The following MGAT4C variants were observed in gnomAD, a reference collection of about 807,000 sequenced individuals.
MGAT4C encodes the protein MGAT4 family member C.
In MGAT4C, 19 loss-of-function variants were observed where a neutral mutation model predicts 40.1. That is an observed-to-expected ratio of 0.47 (90% CI 0.33 to 0.70). MGAT4C has a LOEUF of 0.70. Among genes scored for constraint, MGAT4C ranks in the 30% least tolerant of loss-of-function variants. The pLI, the probability that MGAT4C is intolerant of heterozygous loss-of-function variation, is 0.02. For missense variants in MGAT4C, 491 were observed against 563.2 expected (o/e 0.87, Z 1.30); for synonymous variants, 181 against 187.1 (o/e 0.97, Z 0.27).
At chr12:86,389,011 C>T (rs1015343523) in intron 3 of MGAT4C, among the ~76,000 whole-genome samples, 8 of 151,938 alleles carry the variant, frequency 5.3e-5, no homozygotes, top group African/African-American at 1.7e-4. Context: ...TAGTTTTTTT[C>T]TTCTAGTATA....
At chr12:86,637,741 C>T (rs1281411635) in intron 2 of MGAT4C, among the ~76,000 whole-genome samples, 2 of 151,774 alleles carry the variant, frequency 1.3e-5, no homozygotes, top group Non-Finnish European at 2.9e-5. Context: ...ATCATATTAA[C>T]TCAGAACCTC....
At chr12:86,627,513 G>A (rs2136498640) in intron 2 of MGAT4C, among the ~76,000 whole-genome samples, 1 of 152,170 alleles carries the variant, frequency 6.6e-6, no homozygotes, top group African/African-American at 2.4e-5. Context: ...CTGAGATGAA[G>A]CATCCAGAGG....
At chr12:86,228,335 T>G (rs1375490263) in intron 1 of MGAT4C, among the ~76,000 whole-genome samples, 2 of 151,952 alleles carry the variant, frequency 1.3e-5, no homozygotes, top group African/African-American at 2.4e-5. Context: ...TGAGTGCACC[T>G]CTATTTTATC....
At position 86,099,385 on chromosome 12, in the gene MGAT4C, T is replaced by TG. The variant is rs11295639; in HGVS notation, c.-56-49663dup. 6.8e-3 allele frequency among the ~76,000 whole-genome samples: 1,018 copies of TG among 149,962 alleles called. 3 individuals are homozygous for TG. Among genetic ancestry groups the TG allele is most frequent in the African/African-American group, 0.017 (702 of 41,076 alleles). On this transcript the variant is annotated intron_variant, in intron 1 of 4. Transcript: ENST00000611864. ...TTTTTGGTTATTAATTTCTTTCTTT[T>TG]GGGGGGGGGCAAAAGAAGCTTTCTT... is the stretch of plus-strand genomic sequence containing the variant.
chr12:86,366,129 T>G (rs1955590543), intron 3 of MGAT4C, among the ~76,000 whole-genome samples: 1 of 152,212 alleles, frequency 6.6e-6, no homozygotes, highest in Non-Finnish European at 1.5e-5. Flanking sequence ...AATTCCCAGG[T>G]ATTTCATTTT....
chr12:86,531,865 T>C (rs2136373521), intron 2 of MGAT4C, among the ~76,000 whole-genome samples: 1 of 152,098 alleles, frequency 6.6e-6, no homozygotes, highest in East Asian at 1.9e-4. Context: ...TAAAAAATAC[T>C]TTTTTAATAA....
chr12:86,765,967 T>C (rs1269572781), intron 1 of MGAT4C, among the ~76,000 whole-genome samples: 2 of 151,822 alleles, frequency 1.3e-5, no homozygotes, highest in African/African-American at 2.4e-5. Flanking sequence ...AACTAATGAG[T>C]AAAATAACCA....
At chr12:86,282,674 A>G (rs1953250047) in intron 4 of MGAT4C, among the ~76,000 whole-genome samples, 1 of 152,120 alleles carries the variant, frequency 6.6e-6, no homozygotes, top group Non-Finnish European at 1.5e-5. Flanking sequence ...GTGCTCCTTT[A>G]AAGTATTAAA....
intron 2 of MGAT4C, among the ~76,000 whole-genome samples, chr12:86,506,889 C>A (rs1392219574): frequency 2.0e-5 from 3 of 152,134 alleles, no homozygotes; most frequent in Non-Finnish European, 4.4e-5. Context: ...TTAAAATCTT[C>A]TTCGTAAGTT....
At chr12:86,334,726 C>G (rs992821423) in intron 3 of MGAT4C, among the ~76,000 whole-genome samples, 1 of 151,968 alleles carries the variant, frequency 6.6e-6, no homozygotes, top group Non-Finnish European at 1.5e-5. Flanking sequence ...CATTAAACAC[C>G]ATTCAAAATA....
chr12:86,625,491 G>T (rs546226134), intron 2 of MGAT4C, among the ~76,000 whole-genome samples: 1 of 152,120 alleles, frequency 6.6e-6, no homozygotes, highest in African/African-American at 2.4e-5. Flanking sequence ...ATTCACTAGA[G>T]GGGATCAACA....
upstream of MGAT4C, among the ~76,000 whole-genome samples, chr12:86,257,421 C>G (rs1399436085): frequency 1.3e-5 from 2 of 152,206 alleles, no homozygotes; most frequent in Admixed American, 1.3e-4. Flanking sequence ...CTAAATCTAG[C>G]CCAGCCATAT....
At chr12:86,739,638 T>G (rs1951036978) in intron 1 of MGAT4C, among the ~76,000 whole-genome samples, 1 of 150,994 alleles carries the variant, frequency 6.6e-6, no homozygotes, top group Admixed American at 6.6e-5. Context: ...TTACATTGAA[T>G]TAGATATTAT....
chr12:86,459,541 T>C (rs1565776953), intron 2 of MGAT4C, among the ~76,000 whole-genome samples: 1 of 151,940 alleles, frequency 6.6e-6, no homozygotes, highest in Non-Finnish European at 1.5e-5. Context: ...ACTCATGCGG[T>C]CATAAGGAAA....
intron 1 of MGAT4C, among the ~76,000 whole-genome samples, chr12:86,835,731 A>C (rs997708891): frequency 2.0e-5 from 3 of 151,922 alleles, no homozygotes; most frequent in Non-Finnish European, 4.4e-5. Context: ...AATTTTATCT[A>C]TGCGTAAGTA....
chr12:86,601,537 C>G (rs1961780471), intron 2 of MGAT4C, among the ~76,000 whole-genome samples: 1 of 152,112 alleles, frequency 6.6e-6, no homozygotes, highest in African/African-American at 2.4e-5. Flanking sequence ...CCTAATAAAG[C>G]TCTTCCCCAC....
chr12:86,356,755 G>A (rs1199778440), intron 3 of MGAT4C, among the ~76,000 whole-genome samples: 1 of 137,512 alleles, frequency 7.3e-6, no homozygotes, highest in African/African-American at 2.6e-5. Flanking sequence ...CAACTGCAAG[G>A]TGGCAGTGAG....
chr12:86,180,303 C>G (rs59623111), intron 1 of MGAT4C, among the ~76,000 whole-genome samples: 12,177 of 152,274 alleles, frequency 0.08, 604 homozygotes, highest in Middle Eastern at 0.22. Flanking sequence ...AGTGGTGGGG[C>G]CCTCATGGAG....
At chr12:86,794,781 T>A (rs1952082808) in intron 1 of MGAT4C, among the ~76,000 whole-genome samples, 1 of 151,970 alleles carries the variant, frequency 6.6e-6, no homozygotes, top group African/African-American at 2.4e-5. Context: ...GAAATCAATT[T>A]TTTTGTTTGA....
Sources: allele counts gnomAD v4.1 joint callset (sites outside exome capture counted in the v4.1 genomes callset), GRCh38; gene constraint gnomAD v4.1.1; transcripts MANE v1.5; gene names NCBI Gene and HGNC (gene_info 2026-07-23, HGNC 2026-07-21).